The following ADRA1A variants were observed in gnomAD, a reference collection of about 807,000 sequenced individuals.
ADRA1A encodes the protein alpha-1A adrenergic receptor.
ADRA1A carries 31 observed loss-of-function variants against 29.6 expected under a neutral mutation model. The ratio of observed to expected loss-of-function variants is 1.05; its 90% confidence interval spans 0.79 to 1.41. The LOEUF (loss-of-function observed/expected upper bound fraction) is 1.41. ADRA1A is among the 40% of genes most tolerant of loss of function. The pLI is 0.00. For missense variants in ADRA1A, 619 were observed against 601.1 expected, an observed-to-expected ratio of 1.03 and a Z score of -0.31; for synonymous variants, 311 against 254.3, an observed-to-expected ratio of 1.22 and a Z score of -2.12.
chr8:26,856,904 C>T (rs1395352802), intron 2 of ADRA1A, among the ~76,000 whole-genome samples: 1 of 152,198 alleles, frequency 6.6e-6, no homozygotes, highest in Non-Finnish European at 1.5e-5. Context: ...ATGGGAAGTT[C>T]TCAATATAAC....
chr8:26,782,430 A>T (rs1294644616), intron 2 of ADRA1A, among the ~76,000 whole-genome samples: 1 of 152,176 alleles, frequency 6.6e-6, no homozygotes, highest in Non-Finnish European at 1.5e-5. Flanking sequence ...GCAGAAAGGG[A>T]TTGGGGCAAT....
chr8:26,856,693 C>T (rs751298167), intron 2 of ADRA1A, among the ~76,000 whole-genome samples: 23 of 152,222 alleles, frequency 1.5e-4, no homozygotes, highest in Middle Eastern at 3.2e-3. Context: ...GACCTTTCTA[C>T]CCTCCCAGTC....
intron 2 of ADRA1A, among the ~76,000 whole-genome samples, chr8:26,774,287 A>C (rs1806382982): frequency 6.6e-6 from 1 of 152,054 alleles, no homozygotes; most frequent in African/African-American, 2.4e-5. Context: ...GAGCCATGTG[A>C]TTTTCTTTGA....
chr8:26,774,225 T>A (rs539555982), intron 2 of ADRA1A, among the ~76,000 whole-genome samples: 2 of 152,292 alleles, frequency 1.3e-5, no homozygotes, highest in African/African-American at 4.8e-5. Flanking sequence ...GGTTGCAGGA[T>A]CCATTCTCAT....
intron 2 of ADRA1A, among the ~76,000 whole-genome samples, chr8:26,771,263 C>T (rs1188893023): frequency 6.6e-6 from 1 of 152,202 alleles, no homozygotes; most frequent in African/African-American, 2.4e-5. Flanking sequence ...CCGTTAGCTC[C>T]CTTTGTCAAT....
At chr8:26,776,095 A>G (rs778937216) in intron 2 of ADRA1A, among the ~76,000 whole-genome samples, 2 of 152,142 alleles carry the variant, frequency 1.3e-5, no homozygotes, top group Non-Finnish European at 2.9e-5. Flanking sequence ...ATTTGCCTCA[A>G]TGGCTCCAAT....
At chr8:26,827,099 A>T (rs114405502) in intron 2 of ADRA1A, among the ~76,000 whole-genome samples, 2,975 of 152,344 alleles carry the variant, frequency 0.02, 105 homozygotes, top group African/African-American at 0.068. Flanking sequence ...TAGATGATTC[A>T]TGCAATGTGC....
intron 2 of ADRA1A, among the ~76,000 whole-genome samples, chr8:26,773,882 C>T (rs1194837333): frequency 6.6e-6 from 1 of 152,174 alleles, no homozygotes; most frequent in African/African-American, 2.4e-5. Flanking sequence ...TTCCAGTCTT[C>T]ACAGGTGAAT....
At chr8:26,851,849 G>A (rs958874977) in intron 2 of ADRA1A, among the ~76,000 whole-genome samples, 3 of 151,922 alleles carry the variant, frequency 2.0e-5, no homozygotes, top group Non-Finnish European at 4.4e-5. Flanking sequence ...GGCAAGTAAA[G>A]TATATAATAG....
chr8:26,827,561 C>T (rs1460227368), intron 2 of ADRA1A, among the ~76,000 whole-genome samples: 8 of 152,200 alleles, frequency 5.3e-5, no homozygotes, highest in African/African-American at 1.7e-4. Context: ...TCCTTCTATC[C>T]GTGTCCTCAC....
intron 2 of ADRA1A, among the ~76,000 whole-genome samples, chr8:26,759,562 C>T (rs1297593432): frequency 6.6e-6 from 1 of 152,146 alleles, no homozygotes; most frequent in Non-Finnish European, 1.5e-5. Flanking sequence ...AGGTCTCCTC[C>T]TTCTCTGCTC....
intron 2 of ADRA1A, among the ~76,000 whole-genome samples, chr8:26,829,602 A>C (rs1411231735): frequency 2.0e-5 from 3 of 152,186 alleles, no homozygotes; most frequent in Non-Finnish European, 4.4e-5. Flanking sequence ...AATAGTCGGT[A>C]ATATGATAAT....
intron 2 of ADRA1A, among the ~76,000 whole-genome samples, chr8:26,800,276 A>T (rs1808481880): frequency 6.6e-6 from 1 of 152,138 alleles, no homozygotes. Context: ...AAGAGAAAAA[A>T]TGATCATCAT....
chr8:26,829,004 A>T (rs897981065), intron 2 of ADRA1A, among the ~76,000 whole-genome samples: 2 of 152,176 alleles, frequency 1.3e-5, no homozygotes, highest in Non-Finnish European at 2.9e-5. Flanking sequence ...TATGCATGAG[A>T]TGGTGCCCAT....
chr8:26,804,773 T>C (rs182157697), intron 2 of ADRA1A, among the ~76,000 whole-genome samples: 66 of 152,316 alleles, frequency 4.3e-4, no homozygotes, highest in African/African-American at 1.6e-3. Context: ...ATATGATGCT[T>C]CGAGGATGGT....
At chr8:26,842,988 G>A (rs773289802) in intron 2 of ADRA1A, among the ~76,000 whole-genome samples, 3 of 151,536 alleles carry the variant, frequency 2.0e-5, no homozygotes, top group Admixed American at 6.6e-5. Flanking sequence ...TTTCAAATCC[G>A]CTATTGGCTT....
intron 2 of ADRA1A, among the ~76,000 whole-genome samples, chr8:26,832,770 G>A (rs1475546872): frequency 1.3e-5 from 2 of 152,188 alleles, no homozygotes; most frequent in Non-Finnish European, 2.9e-5. Flanking sequence ...ACCTGTGGGG[G>A]AGGGAGGCAA....
intron 2 of ADRA1A, among the ~76,000 whole-genome samples, chr8:26,844,573 T>A (rs1016521399): frequency 2.6e-5 from 4 of 152,182 alleles, no homozygotes; most frequent in Admixed American, 2.6e-4. Flanking sequence ...AGAAATGAAC[T>A]CATTTATCTA....
At chr8:26,753,411 T>C (rs1183772221), downstream of ADRA1A, among the ~76,000 whole-genome samples, 4 of 151,506 alleles carry the variant, frequency 2.6e-5, no homozygotes, top group Non-Finnish European at 5.9e-5. Context: ...ATGTCCAATC[T>C]ACCCTATTTA....
Sources: allele counts gnomAD v4.1 joint callset (sites outside exome capture counted in the v4.1 genomes callset), GRCh38; gene constraint gnomAD v4.1.1; transcripts MANE v1.5; gene names NCBI Gene and HGNC (gene_info 2026-07-23, HGNC 2026-07-21).